The following TBC1D5 variants were observed in gnomAD, a reference collection of about 807,000 sequenced individuals.
TBC1D5 encodes the protein TBC1 domain family, member 5.
A neutral mutation model predicts 100.3 loss-of-function variants in TBC1D5; 75 were observed. The ratio of observed to expected loss-of-function variants is 0.75; its 90% CI spans 0.62 to 0.91. The LOEUF is 0.91. Among genes scored for constraint, TBC1D5 ranks in the 40% least tolerant of loss-of-function variants. The pLI is 0.00. For synonymous variants in TBC1D5, 323 were observed against 325.6 expected (o/e 0.99, Z 0.09); for missense variants, 910 against 942.4 (o/e 0.97, Z 0.45).
At chr3:17,540,932 A>AAAAAAAG (rs2096348033) in intron 2 of TBC1D5, among the ~76,000 whole-genome samples, 1 of 146,218 alleles carries the variant, frequency 6.8e-6, no homozygotes, top group African/African-American at 2.5e-5. Context: ...AAAAAAAAAA[A>AAAAAAAG]GTAAGAAAAG....
At chr3:17,447,443 G>A (rs1305574642) in intron 3 of TBC1D5, among the ~76,000 whole-genome samples, 1 of 152,166 alleles carries the variant, frequency 6.6e-6, no homozygotes, top group Non-Finnish European at 1.5e-5. Flanking sequence ...AAGAGGATGG[G>A]ATCTAGGCCA....
At chr3:17,658,155 C>T (rs1196581526) in intron 1 of TBC1D5, among the ~76,000 whole-genome samples, 2 of 152,170 alleles carry the variant, frequency 1.3e-5, no homozygotes, top group East Asian at 1.9e-4. Flanking sequence ...TAAGTACATT[C>T]TATGATGTTC....
At chr3:17,451,851 T>C (rs946201425) in intron 3 of TBC1D5, among the ~76,000 whole-genome samples, 6 of 151,462 alleles carry the variant, frequency 4.0e-5, no homozygotes, top group African/African-American at 1.5e-4. Flanking sequence ...ATCTGGGAGG[T>C]GGAGGTTGCA....
chr3:17,338,972 T>C (rs753791655), intron 13 of TBC1D5, among the ~76,000 whole-genome samples: 47 of 152,228 alleles, frequency 3.1e-4, no homozygotes, highest in Non-Finnish European at 4.4e-5. Flanking sequence ...GAGGGTTTGA[T>C]GGTCTCATTT....
intron 2 of TBC1D5, among the ~76,000 whole-genome samples, chr3:17,547,879 TTGAC>T (rs1216918528): frequency 1.2e-4 from 19 of 152,356 alleles, no homozygotes; most frequent in African/African-American, 4.1e-4. Context: ...TGTAAGGAAT[TTGAC>T]TGACAAGTTT....
At chr3:17,692,250 C>T (rs2071282628) in intron 1 of TBC1D5, among the ~76,000 whole-genome samples, 1 of 152,050 alleles carries the variant, frequency 6.6e-6, no homozygotes, top group Admixed American at 6.6e-5. Context: ...TGCCACCATG[C>T]CCAGCTAATT....
intron 1 of TBC1D5, among the ~76,000 whole-genome samples, chr3:17,642,438 T>C (rs1165130587): frequency 6.6e-6 from 1 of 152,130 alleles, no homozygotes; most frequent in Non-Finnish European, 1.5e-5. Flanking sequence ...ACAAATTGAT[T>C]TGCTCAAGAT....
intron 13 of TBC1D5, among the ~76,000 whole-genome samples, chr3:17,342,351 G>A (rs1005299319): frequency 6.6e-6 from 1 of 152,142 alleles, no homozygotes; most frequent in Admixed American, 6.5e-5. Context: ...AAGAAGCACA[G>A]ATGACCATTC....
chr3:17,429,281 A>T (rs1236687644), intron 3 of TBC1D5, among the ~76,000 whole-genome samples: 3 of 151,868 alleles, frequency 2.0e-5, no homozygotes, highest in African/African-American at 7.2e-5. Flanking sequence ...AATGCTTACC[A>T]ATGCCCCGTT....
intron 3 of TBC1D5, among the ~76,000 whole-genome samples, chr3:17,472,485 G>A (rs1460128234): frequency 6.6e-6 from 1 of 151,948 alleles, no homozygotes; most frequent in Non-Finnish European, 1.5e-5. Flanking sequence ...TCTCAATGAG[G>A]CCTTTCTTTC....
At chr3:17,460,238 G>A (rs1005216656) in intron 3 of TBC1D5, among the ~76,000 whole-genome samples, 1 of 152,076 alleles carries the variant, frequency 6.6e-6, no homozygotes, top group Admixed American at 6.5e-5. Flanking sequence ...AAACTACCTG[G>A]GAATTCACAG....
At chr3:17,438,076 T>C (rs1021922167) in intron 3 of TBC1D5, among the ~76,000 whole-genome samples, 2 of 152,138 alleles carry the variant, frequency 1.3e-5, no homozygotes, top group South Asian at 4.1e-4. Flanking sequence ...GCTCCAGATG[T>C]TAAGCACAAT....
rs185031296 is a variant in TBC1D5 at position 17,282,279 on chromosome 3, G to A, written c.1245+9616C>T. Among the ~76,000 whole-genome samples, 118 of 152,276 alleles carry A rather than the reference G, an allele frequency of 7.7e-4. 2 individuals are homozygous for A. In the East Asian group the frequency reaches 0.012, roughly 15 times the overall value. ...TATAACACATTCATTTCGCTGTAAT[G>A]CATTTTAATACTTTTCCATTTGGGG... On this transcript the variant is annotated intron_variant, in intron 15 of 21. Coordinates refer to ENST00000253692, the Ensembl canonical transcript of TBC1D5.
intron 2 of TBC1D5, among the ~76,000 whole-genome samples, chr3:17,520,611 A>G (rs1576484829): frequency 6.6e-6 from 1 of 151,996 alleles, no homozygotes; most frequent in South Asian, 2.1e-4. Context: ...TTAGGGTACA[A>G]TCAATCTCCT....
intron 17 of TBC1D5, among the ~76,000 whole-genome samples, chr3:17,236,341 T>C (rs1053005714): frequency 2.0e-5 from 3 of 152,226 alleles, no homozygotes; most frequent in African/African-American, 7.2e-5. Context: ...TTAAGAAATA[T>C]GTAAAATAAC....
intron 3 of TBC1D5, among the ~76,000 whole-genome samples, chr3:17,492,178 T>C (rs1041191934): frequency 1.9e-4 from 29 of 152,314 alleles, no homozygotes; most frequent in African/African-American, 6.3e-4. Flanking sequence ...TGTTTTCTTC[T>C]CTATTAGTCT....
At chr3:17,300,870 G>A (rs141790219) in intron 14 of TBC1D5, among the ~76,000 whole-genome samples, 2,283 of 152,020 alleles carry the variant, frequency 0.015, 49 homozygotes, top group African/African-American at 0.052. Context: ...TCAGGAGTTC[G>A]AGACAAGCCT....
intron 9 of TBC1D5, among the ~76,000 whole-genome samples, chr3:17,378,941 G>GA (rs1291252353): frequency 6.6e-6 from 1 of 151,586 alleles, no homozygotes; most frequent in Non-Finnish European, 1.5e-5. Context: ...CCAGAGTTCT[G>GA]AAATGCCATC....
At chr3:17,605,300 T>C (rs2061268035) in intron 2 of TBC1D5, among the ~76,000 whole-genome samples, 1 of 152,086 alleles carries the variant, frequency 6.6e-6, no homozygotes. Context: ...ACCACACAAT[T>C]AAAACAAACA....
Sources: allele counts gnomAD v4.1 joint callset (sites outside exome capture counted in the v4.1 genomes callset), GRCh38; gene constraint gnomAD v4.1.1; transcripts MANE v1.5; gene names NCBI Gene and HGNC (gene_info 2026-07-23, HGNC 2026-07-21).